Variants in LRRC7 observed in about 807,000 individuals in gnomAD.
LRRC7 encodes leucine-rich repeat-containing protein 7.
LRRC7 carries 23 observed loss-of-function variants against 175.7 expected under a neutral mutation model. The observed-to-expected ratio is 0.13, with a 90% confidence interval of 0.09 to 0.19. The LOEUF (loss-of-function observed/expected upper bound fraction) is 0.19, where lower values mean the gene tolerates loss of function less well. LRRC7 is among the 10% of genes least tolerant of loss of function. The pLI, the probability that LRRC7 is intolerant of heterozygous loss-of-function variation, is 1.00. For missense variants in LRRC7, 1,354 were observed against 1,904.7 expected (o/e 0.71, Z 5.38); for synonymous variants, 685 against 680.9 (o/e 1.01, Z -0.09).
intron 8 of LRRC7, among the ~76,000 whole-genome samples, chr1:69,943,755 A>G (rs1451467426): frequency 1.3e-5 from 2 of 152,036 alleles, no homozygotes; most frequent in African/African-American, 4.8e-5. Flanking sequence ...CATTAACTTC[A>G]AGGTAAACCT....
intron 1 of LRRC7, among the ~76,000 whole-genome samples, chr1:69,583,087 A>G (rs1243132427): frequency 1.2e-4 from 18 of 151,812 alleles, no homozygotes; most frequent in Admixed American, 1.2e-3. Flanking sequence ...ATAAAATTTT[A>G]TTTTTTTATA....
chr1:69,580,948 C>T (rs1483897196), intron 1 of LRRC7, among the ~76,000 whole-genome samples: 1 of 152,030 alleles, frequency 6.6e-6, no homozygotes, highest in Non-Finnish European at 1.5e-5. Context: ...TAGAAGTTAG[C>T]CAGACAAAGA....
At chr1:69,572,873 A>ATG (rs908585684) in intron 1 of LRRC7, among the ~76,000 whole-genome samples, 1 of 151,630 alleles carries the variant, frequency 6.6e-6, no homozygotes, top group South Asian at 2.1e-4. Context: ...TGTGTGGGGT[A>ATG]TGTGTGTGTG....
chr1:70,014,308 A>G (rs1264523094), intron 13 of LRRC7, among the ~76,000 whole-genome samples: 1 of 152,042 alleles, frequency 6.6e-6, no homozygotes, highest in Non-Finnish European at 1.5e-5. Context: ...AATATTATCA[A>G]TGATCCATAA....
intron 24 of LRRC7, among the ~76,000 whole-genome samples, chr1:70,083,680 T>C (rs1663390794): frequency 6.6e-6 from 1 of 152,218 alleles, no homozygotes; most frequent in Admixed American, 6.5e-5. Flanking sequence ...AAACTTAGCA[T>C]GGTTTTAGAA....
At chr1:69,740,638 T>C (rs1002128925) in intron 2 of LRRC7, among the ~76,000 whole-genome samples, 2 of 152,056 alleles carry the variant, frequency 1.3e-5, no homozygotes, top group Non-Finnish European at 2.9e-5. Flanking sequence ...GCTCTGCGTT[T>C]GCCTTATTCG....
chr1:69,925,290 G>T lies in LRRC7; in HGVS notation c.648-6217G>T, dbSNP rs147564507. Among the ~76,000 whole-genome samples, 496 of 152,194 alleles carry T rather than the reference G, an allele frequency of 3.3e-3. 2 individuals are homozygous for T. Among genetic ancestry groups the T allele is most frequent in the African/African-American group, 0.011 (447 of 41,512 alleles). ...TTTGGGTGTGTCTCTGCCTGGCTTT[G>T]GTATCAGGATGATGCTGACCTCATA... is the stretch of plus-strand genomic sequence containing the variant. On this transcript the variant is annotated intron_variant, in intron 7 of 26. Coordinates refer to ENST00000651989, the MANE Select transcript of LRRC7 (RefSeq NM_001370785.2).
intron 23 of LRRC7, among the ~76,000 whole-genome samples, chr1:70,070,985 C>G (rs571492416): frequency 8.5e-5 from 13 of 152,274 alleles, no homozygotes; most frequent in Middle Eastern, 3.4e-3. Flanking sequence ...ACCACTCTAG[C>G]AGAAGTGTTT....
chr1:70,101,471 A>G (rs746034014), intron 25 of LRRC7, among the ~76,000 whole-genome samples: 1 of 152,144 alleles, frequency 6.6e-6, no homozygotes, highest in Non-Finnish European at 1.5e-5. Flanking sequence ...GACTGTCACA[A>G]TCGTTCACCT....
In LRRC7 at chr1:69,616,114, A is replaced by G. The variant is rs75192579; in HGVS notation, c.2+47473A>G. The stretch of plus-strand genomic sequence containing the variant: ...ATGTCATGTTAGCATTGTGAAGTAT[A>G]CAAGAAAGCACAATTCTTAATACCT... On this transcript the variant is annotated intron_variant, in intron 1 of 26. Coordinates refer to ENST00000651989, the MANE Select transcript of LRRC7 (RefSeq NM_001370785.2). Among the ~76,000 whole-genome samples, 23 of 152,226 alleles carry G rather than the reference A, an allele frequency of 1.5e-4. No homozygotes were observed. The East Asian group carries it at 4.3e-3, about 28-fold the overall frequency.
intron 12 of LRRC7, among the ~76,000 whole-genome samples, 158 bp from the exon 13 acceptor site, chr1:70,012,816 C>A (rs1272586644): frequency 3.3e-5 from 5 of 150,320 alleles, no homozygotes; most frequent in Non-Finnish European, 7.4e-5. Flanking sequence ...ATATAATATA[C>A]CTATATTTTA....
Position 70,130,344 on chromosome 1 carries a change from G to A in LRRC7, c.*8457G>A, listed in dbSNP as rs1404318467. ...TAGTATAGGTTCTCAATAAATATTT[G>A]TGTAATTATTAAGTGGATGACAGGC... On this transcript the variant is annotated 3_prime_UTR_variant, in exon 27 of 27. Coordinates refer to ENST00000651989, the MANE Select transcript of LRRC7 (RefSeq NM_001370785.2). The A allele has an allele frequency of 6.6e-6, 1 of 152,152 alleles. No homozygotes were observed. Among genetic ancestry groups the A allele is most frequent in the Non-Finnish European group, 1.5e-5 (1 of 68,034 alleles). 9.4% of individuals were successfully genotyped at this position (152,152 alleles called of 1,614,324 possible).
At chr1:69,700,857 A>G (rs1249056479) in intron 2 of LRRC7, among the ~76,000 whole-genome samples, 2 of 152,194 alleles carry the variant, frequency 1.3e-5, no homozygotes, top group African/African-American at 4.8e-5. Flanking sequence ...GATCAGCCCA[A>G]GACCAGGGTC....
intron 25 of LRRC7, among the ~76,000 whole-genome samples, chr1:70,093,731 T>C (rs1209614939): frequency 1.3e-5 from 2 of 152,184 alleles, no homozygotes; most frequent in African/African-American, 4.8e-5. Flanking sequence ...GCTAAGCAAT[T>C]ATATAACTTG....
intron 13 of LRRC7, among the ~76,000 whole-genome samples, chr1:70,016,219 G>C (rs531337768): frequency 1.4e-4 from 22 of 152,122 alleles, no homozygotes; most frequent in Non-Finnish European, 2.4e-4. Context: ...GATTTTTAGG[G>C]GCCAGACCTT....
intron 18 of LRRC7, among the ~76,000 whole-genome samples, chr1:70,032,993 C>T (rs553762152): frequency 6.6e-6 from 1 of 152,272 alleles, no homozygotes; most frequent in African/African-American, 2.4e-5. Flanking sequence ...AAGTAGTCCC[C>T]AAAACTTTGC....
chr1:69,800,433 A>C (rs766223622), intron 4 of LRRC7, among the ~76,000 whole-genome samples: 1 of 151,936 alleles, frequency 6.6e-6, no homozygotes, highest in East Asian at 1.9e-4. Flanking sequence ...AGTGTATTGT[A>C]GTTTTCTTTG....
intron 26 of LRRC7, among the ~76,000 whole-genome samples, chr1:70,117,490 T>C (rs1304970666): frequency 6.6e-6 from 1 of 152,192 alleles, no homozygotes; most frequent in Non-Finnish European, 1.5e-5. Flanking sequence ...GCAAATACTA[T>C]TTTCATTAAC....
At chr1:69,844,524 C>T (rs12024338) in intron 7 of LRRC7, among the ~76,000 whole-genome samples, 86,609 of 151,958 alleles carry the variant, frequency 0.57, 24,807 homozygotes, top group East Asian at 0.7. Context: ...TCCTTCTTTT[C>T]TAACGTGGAA....
Sources: gnomAD v4.1 joint callset for allele counts (sites outside exome capture counted in the v4.1 genomes callset) on GRCh38, gnomAD v4.1.1 for gene constraint, MANE v1.5 for transcripts, NCBI Gene and HGNC (gene_info 2026-07-23, HGNC 2026-07-21) for gene names.